Variants in SORCS2 observed in about 807,000 individuals in gnomAD.
The protein encoded by SORCS2 is VPS10 domain-containing receptor SorCS2.
A neutral mutation model predicts 141.6 loss-of-function variants in SORCS2; 100 were observed. The observed-to-expected ratio is 0.71, with a 90% CI of 0.60 to 0.83. The LOEUF (loss-of-function observed/expected upper bound fraction) is 0.83. Among genes scored for constraint, SORCS2 ranks in the 40% least tolerant of loss-of-function variants. The probability of loss-of-function intolerance (pLI) is 0.00; values close to 1 mark genes in which losing one functional copy is unlikely to be tolerated. For missense variants in SORCS2, 1,646 were observed against 1,560.2 expected, an observed-to-expected ratio of 1.05 and a Z score of -0.93; for synonymous variants, 789 against 676.9, an observed-to-expected ratio of 1.17 and a Z score of -2.57.
At chr4:7,661,421 T>C (rs1226118413) in intron 5 of SORCS2, 79 bp from the exon 6 acceptor site, 1 of 1,481,808 alleles carries the variant, frequency 6.7e-7, no homozygotes, top group Non-Finnish European at 9.2e-7. Context: ...GCCACGTGGC[T>C]GCAGGGAGTG....
At chr4:7,736,842 G>A (rs1319214552) in intron 25 of SORCS2, among the ~76,000 whole-genome samples, 1 of 152,196 alleles carries the variant, frequency 6.6e-6, no homozygotes, top group East Asian at 1.9e-4. Flanking sequence ...CAGGGCAGAG[G>A]GAATCCCAGG....
intron 2 of SORCS2, among the ~76,000 whole-genome samples, chr4:7,465,511 G>A (rs1553869005): frequency 6.6e-6 from 1 of 152,056 alleles, no homozygotes; most frequent in Non-Finnish European, 1.5e-5. Flanking sequence ...CCAGGAGCTG[G>A]AGCCATCTCC....
At chr4:7,213,824 G>C (rs944870571) in intron 1 of SORCS2, among the ~76,000 whole-genome samples, 1 of 152,182 alleles carries the variant, frequency 6.6e-6, no homozygotes, top group Non-Finnish European at 1.5e-5. Context: ...CCCCTGGAAA[G>C]GTACTTGGAT....
intron 1 of SORCS2, among the ~76,000 whole-genome samples, chr4:7,214,490 T>C (rs967347514): frequency 2.0e-5 from 3 of 152,170 alleles, no homozygotes; most frequent in Non-Finnish European, 2.9e-5. Flanking sequence ...AATGACTCAG[T>C]CTGTGGTATT....
intron 2 of SORCS2, among the ~76,000 whole-genome samples, chr4:7,426,204 A>G (rs910653653): frequency 1.3e-5 from 2 of 151,372 alleles, no homozygotes; most frequent in Non-Finnish European, 2.9e-5. Flanking sequence ...CCTGTGTTTT[A>G]CCTTGTGGGG....
chr4:7,447,146 A>G (rs1042925276), intron 2 of SORCS2, among the ~76,000 whole-genome samples: 2 of 152,196 alleles, frequency 1.3e-5, no homozygotes, highest in Non-Finnish European at 2.9e-5. Context: ...AGATCAAGGT[A>G]TGGGCAGAGT....
rs1406186820 is a variant in SORCS2, at chr4:7,728,531, C to T, written c.2982+69C>T. On this transcript the variant is annotated intron_variant, in intron 22 of 26. Transcript: ENST00000507866. ...CCGGCATCCAGAGAAGCCCAAGGGCCCCGGGGTGCTCAGGGAAAGGAGAGG... is the reference window on the plus strand; with the variant it reads ...CCGGCATCCAGAGAAGCCCAAGGGCTCCGGGGTGCTCAGGGAAAGGAGAGG... 7 of 1,177,502 alleles carry T rather than the reference C, an allele frequency of 5.9e-6. No homozygotes were observed. In the Admixed American group the frequency reaches 1.7e-4, roughly 29 times the overall value. The allele number at this position is 1,177,502 out of a possible 1,614,324, so 72.9% of individuals were successfully genotyped here.
chr4:7,365,005 C>T (rs938424874), intron 1 of SORCS2, among the ~76,000 whole-genome samples: 13 of 152,176 alleles, frequency 8.5e-5, no homozygotes, highest in Admixed American at 2.0e-4. Context: ...GTAAGGCTGG[C>T]CCCTGCCTCA....
rs187223362 is a variant in SORCS2 at position 7,601,977 on chromosome 4, G to C, written c.649-36351G>C. Among the ~76,000 whole-genome samples the C allele has an allele frequency of 9.3e-3, 1,412 of 152,292 alleles. 10 individuals carry two copies. The highest frequency in any genetic ancestry group is 0.024 in the Middle Eastern group (7 of 294). On this transcript the variant is annotated intron_variant, in intron 3 of 26. Transcript: ENST00000507866. ...ACACAGCACATGTTTCAGAGAGCACGGGGTTGGGGGTAAGGCCATAGATTA... is the reference window on the plus strand; with the variant it reads ...ACACAGCACATGTTTCAGAGAGCACCGGGTTGGGGGTAAGGCCATAGATTA...
chr4:7,603,029 T>C (rs1367292788), intron 3 of SORCS2, among the ~76,000 whole-genome samples: 1 of 152,156 alleles, frequency 6.6e-6, no homozygotes, highest in Non-Finnish European at 1.5e-5. Flanking sequence ...CGTGGTGGTG[T>C]GCGCCTGCAA....
At chr4:7,503,503 CAG>C (rs992864394) in intron 2 of SORCS2, among the ~76,000 whole-genome samples, 6 of 150,446 alleles carry the variant, frequency 4.0e-5, no homozygotes, top group African/African-American at 1.5e-4. Flanking sequence ...CATAGAGAGA[CAG>C]AGATGGAGAC....
chr4:7,352,214 G>A (rs1186055084), intron 1 of SORCS2, among the ~76,000 whole-genome samples: 1 of 152,216 alleles, frequency 6.6e-6, no homozygotes, highest in Non-Finnish European at 1.5e-5. Flanking sequence ...TCATGGGATT[G>A]TGAAAGCTTC....
intron 1 of SORCS2, among the ~76,000 whole-genome samples, chr4:7,210,950 C>A (rs13129481): frequency 0.32 from 47,963 of 152,100 alleles, 8,260 homozygotes; most frequent in Non-Finnish European, 0.39. Context: ...CCACAGGGCT[C>A]TTCTGGGAGT....
intron 1 of SORCS2, among the ~76,000 whole-genome samples, chr4:7,202,177 G>T (rs534961502): frequency 1.8e-4 from 27 of 152,322 alleles, no homozygotes; most frequent in African/African-American, 6.3e-4. Flanking sequence ...TAGGCAATTT[G>T]CTCACTGCTG....
Position 7,254,003 on chromosome 4 carries a change from TA to T in SORCS2, c.480+60878del, listed in dbSNP as rs540873669. ...ATCTCACCCCAGTCAGAATGGCTAGTATTAAAAAGACAAAAAGTAACAGATG... is the reference window on the plus strand; with the variant it reads ...ATCTCACCCCAGTCAGAATGGCTAGTTTAAAAAGACAAAAAGTAACAGATG... On this transcript the variant is annotated intron_variant, in intron 1 of 26. Transcript: ENST00000507866. Among the ~76,000 whole-genome samples the T allele has an allele frequency of 1.4e-3, 217 of 152,222 alleles. 1 individual carries two copies. Among genetic ancestry groups the T allele is most frequent in the African/African-American group, 5.1e-3 (211 of 41,514 alleles).
intron 1 of SORCS2, among the ~76,000 whole-genome samples, chr4:7,381,577 T>C (rs965205182): frequency 1.2e-4 from 19 of 152,180 alleles, no homozygotes; most frequent in African/African-American, 3.6e-4. Context: ...AGGGTGGCTG[T>C]GCAGGTGTGG....
chr4:7,433,390 T>C (rs1202672193), intron 2 of SORCS2: 1 of 1,497,918 alleles, frequency 6.7e-7, no homozygotes, highest in Non-Finnish European at 8.9e-7. Flanking sequence ...GTTGCACAGC[T>C]TGGCGGCCTC....
chr4:7,267,239 A>G (rs1021235361), intron 1 of SORCS2, among the ~76,000 whole-genome samples: 11 of 152,188 alleles, frequency 7.2e-5, no homozygotes, highest in Non-Finnish European at 1.3e-4. Flanking sequence ...CTTCTGGTAT[A>G]ACTACTTCTT....
intron 1 of SORCS2, among the ~76,000 whole-genome samples, chr4:7,386,798 CCAT>C (rs1303818509): frequency 2.8e-4 from 3 of 10,576 alleles, no homozygotes; most frequent in Non-Finnish European, 5.8e-4. Context: ...CACATGCCCA[CCAT>C]ACACATGCAC....
Sources: gnomAD v4.1 joint callset for allele counts (sites outside exome capture counted in the v4.1 genomes callset) on GRCh38, gnomAD v4.1.1 for gene constraint, MANE v1.5 for transcripts, NCBI Gene and HGNC (gene_info 2026-07-23, HGNC 2026-07-21) for gene names.